PTPRD: variants seen among roughly 807,000 people sequenced by gnomAD.
PTPRD encodes receptor-type tyrosine-protein phosphatase delta.
PTPRD carries 34 observed loss-of-function variants against 214.5 expected under a neutral mutation model. The observed-to-expected ratio is 0.16, with a 90% confidence interval of 0.12 to 0.21. The LOEUF (loss-of-function observed/expected upper bound fraction) is 0.21, where lower values mean the gene tolerates loss of function less well. PTPRD is among the 10% of genes least tolerant of loss of function. PTPRD has a pLI of 1.00. For missense variants in PTPRD, 2,545 were observed against 2,398.7 expected (o/e 1.06, Z -1.27); for synonymous variants, 1,128 against 845.7 (o/e 1.33, Z -5.79).
intron 8 of PTPRD, among the ~76,000 whole-genome samples, chr9:9,550,967 T>C (rs1156477287): frequency 6.6e-6 from 1 of 151,948 alleles, no homozygotes; most frequent in Non-Finnish European, 1.5e-5. Context: ...GTAGAGAAAC[T>C]GTATCACTCA....
chr9:10,603,453 A>G (rs2078490518), intron 2 of PTPRD, among the ~76,000 whole-genome samples: 1 of 151,626 alleles, frequency 6.6e-6, no homozygotes, highest in African/African-American at 2.4e-5. Flanking sequence ...CAGATCCACA[A>G]TCTCACACTT....
chr9:9,431,737 G>A (rs1248237082), intron 8 of PTPRD, among the ~76,000 whole-genome samples: 1 of 152,008 alleles, frequency 6.6e-6, no homozygotes, highest in Non-Finnish European at 1.5e-5. Context: ...AAAAGGATGA[G>A]TTCATGTCCT....
chr9:9,353,596 C>G (rs117893377), intron 9 of PTPRD, among the ~76,000 whole-genome samples: 1 of 151,058 alleles, frequency 6.6e-6, no homozygotes, highest in East Asian at 2.0e-4. Context: ...CCTTGTCTTA[C>G]GTATATATTG....
At chr9:9,361,987 G>T (rs1177851499) in intron 9 of PTPRD, among the ~76,000 whole-genome samples, 2 of 151,038 alleles carry the variant, frequency 1.3e-5, no homozygotes, top group Non-Finnish European at 3.0e-5. Context: ...TTTTGGAAGA[G>T]CCAACGTTAG....
intron 11 of PTPRD, among the ~76,000 whole-genome samples, chr9:8,982,610 C>T (rs1423008906): frequency 6.6e-6 from 1 of 150,856 alleles, no homozygotes; most frequent in Non-Finnish European, 1.5e-5. Context: ...AAAAACTCCA[C>T]AATCATCATC....
intron 14 of PTPRD, among the ~76,000 whole-genome samples, chr9:8,562,039 T>C (rs1001194547): frequency 3.3e-5 from 5 of 152,178 alleles, no homozygotes; most frequent in Admixed American, 1.3e-4. Context: ...CTAATATCAA[T>C]TGGAAATGCT....
chr9:9,589,548 G>C (rs1051555932), intron 7 of PTPRD, among the ~76,000 whole-genome samples: 1 of 151,974 alleles, frequency 6.6e-6, no homozygotes, highest in African/African-American at 2.4e-5. Context: ...GCAACAATCA[G>C]TACACTGTGT....
chr9:8,475,310 T>G (rs1056601114), intron 30 of PTPRD, among the ~76,000 whole-genome samples: 20 of 152,186 alleles, frequency 1.3e-4, no homozygotes, highest in Admixed American at 6.5e-5. Flanking sequence ...CATGAAACAT[T>G]CTGAGCCCTT....
At chr9:9,317,505 C>A (rs1963908274) in intron 9 of PTPRD, among the ~76,000 whole-genome samples, 1 of 152,088 alleles carries the variant, frequency 6.6e-6, no homozygotes, top group African/African-American at 2.4e-5. Context: ...GTCTACCCCA[C>A]CTCCTAAACG....
intron 7 of PTPRD, among the ~76,000 whole-genome samples, chr9:9,620,675 C>T (rs188879852): frequency 1.3e-5 from 2 of 152,084 alleles, no homozygotes; most frequent in African/African-American, 4.8e-5. Context: ...AACTCTTTTT[C>T]ACTATTTTGA....
intron 3 of PTPRD, among the ~76,000 whole-genome samples, chr9:10,067,762 A>G (rs2097911857): frequency 6.6e-6 from 1 of 151,856 alleles, no homozygotes. Context: ...CATTACTCAT[A>G]TCCCTATCTC....
intron 14 of PTPRD, among the ~76,000 whole-genome samples, chr9:8,548,285 G>A (rs1419705912): frequency 6.6e-6 from 1 of 152,108 alleles, no homozygotes; most frequent in African/African-American, 2.4e-5. Flanking sequence ...GAAGGATGAT[G>A]CAAAGATGGC....
chr9:10,188,857 A>G (rs527346558), intron 3 of PTPRD, among the ~76,000 whole-genome samples: 2 of 152,302 alleles, frequency 1.3e-5, no homozygotes, highest in East Asian at 3.9e-4. Context: ...GGCAAAACTA[A>G]CAACCCCACA....
chr9:9,958,846 T>G (rs1225264657), intron 4 of PTPRD, among the ~76,000 whole-genome samples: 2 of 152,040 alleles, frequency 1.3e-5, no homozygotes, highest in African/African-American at 4.8e-5. Flanking sequence ...ATTAGAAGGG[T>G]GAAAACTAAA....
chr9:8,546,876 T>G (rs772074295), intron 14 of PTPRD, among the ~76,000 whole-genome samples: 1 of 152,202 alleles, frequency 6.6e-6, no homozygotes, highest in South Asian at 2.1e-4. Flanking sequence ...AGTTTCCCTC[T>G]TTCTCACGTC....
Position 9,732,902 on chromosome 9 carries a change from AC to A in PTPRD, c.-287+1630del, listed in dbSNP as rs541894184. On this transcript the variant is annotated intron_variant, in intron 7 of 45. Coordinates refer to ENST00000381196, the MANE Select transcript of PTPRD (RefSeq NM_002839.4). ...AGGCCAGCATGGGCAACACAGTGAA[AC>A]CTTGTTTCCAAAAAAAAAAATTACT... 7.3e-3 allele frequency among the ~76,000 whole-genome samples: 832 copies of A among 114,398 alleles called. 6 individuals are homozygous for A. Among genetic ancestry groups the A allele is most frequent in the Non-Finnish European group, 5.1e-3 (291 of 57,234 alleles). The allele number at this position is 114,398 out of a possible 152,430, so 75.0% of individuals were successfully genotyped here. A position where few individuals can be genotyped will look rare whatever the true frequency, so the allele number is the denominator to read the frequency against.
intron 3 of PTPRD, among the ~76,000 whole-genome samples, chr9:10,251,176 C>A (rs928248754): frequency 6.6e-6 from 1 of 152,080 alleles, no homozygotes. Flanking sequence ...AAATAACATG[C>A]TCAAAACAGT....
At chr9:10,574,014 A>T (rs75124554) in intron 2 of PTPRD, among the ~76,000 whole-genome samples, 4,067 of 152,288 alleles carry the variant, frequency 0.027, 108 homozygotes, top group East Asian at 0.082. Flanking sequence ...TCATGTGGGG[A>T]GTTTGCCAAG....
At chr9:9,305,767 G>C (rs1396184829) in intron 9 of PTPRD, among the ~76,000 whole-genome samples, 1 of 152,056 alleles carries the variant, frequency 6.6e-6, no homozygotes, top group Non-Finnish European at 1.5e-5. Flanking sequence ...AAAAGACATG[G>C]GGAAAAGGCC....
Sources: allele counts gnomAD v4.1 joint callset (sites outside exome capture counted in the v4.1 genomes callset), GRCh38; gene constraint gnomAD v4.1.1; transcripts MANE v1.5; gene names NCBI Gene and HGNC (gene_info 2026-07-23, HGNC 2026-07-21).